Variants in CDYL observed in about 807,000 individuals in gnomAD.
The protein encoded by CDYL is chromodomain Y like.
In CDYL, 8 loss-of-function variants were observed where a neutral mutation model predicts 47.3. The ratio of observed to expected loss-of-function variants is 0.17; its 90% confidence interval spans 0.10 to 0.31. CDYL has a LOEUF of 0.31. CDYL is among the 10% of genes least tolerant of loss of function. The probability of loss-of-function intolerance (pLI) is 1.00; values close to 1 mark genes in which losing one functional copy is unlikely to be tolerated. For synonymous variants in CDYL, 266 were observed against 265.0 expected, an observed-to-expected ratio of 1.00 and a Z score of -0.04; for missense variants, 471 against 701.4, an observed-to-expected ratio of 0.67 and a Z score of 3.71.
chr6:4,877,317 A>G (rs1181997142), intron 1 of CDYL, among the ~76,000 whole-genome samples: 2 of 152,016 alleles, frequency 1.3e-5, no homozygotes, highest in African/African-American at 4.8e-5. Flanking sequence ...TTTTGATGAG[A>G]AGTTTAAAAT....
intron 2 of CDYL, among the ~76,000 whole-genome samples, chr6:4,896,031 C>CCCCT (rs1461060851): frequency 4.6e-5 from 7 of 152,326 alleles, no homozygotes; most frequent in African/African-American, 1.4e-4. Flanking sequence ...ATGATCTCTA[C>CCCCT]CCCTCTCTCA....
At chr6:4,890,930 C>A (rs1490469166) in intron 1 of CDYL, among the ~76,000 whole-genome samples, 3 of 152,180 alleles carry the variant, frequency 2.0e-5, no homozygotes. Flanking sequence ...ACATAACTCT[C>A]GTTCATGTGA....
chr6:4,844,420 A>G (rs1034213140), intron 1 of CDYL, among the ~76,000 whole-genome samples: 2 of 152,088 alleles, frequency 1.3e-5, no homozygotes, highest in African/African-American at 4.8e-5. Flanking sequence ...TGCAGCAGCA[A>G]TCTGCTTCCT....
Position 4,891,926 on chromosome 6 carries a change from A to G in CDYL, c.238A>G (p.Arg80Gly), listed in dbSNP as rs1762054102. The change falls in exon 2 of 7, where the codon AGG (arginine) becomes GGG (glycine). Residue 80 changes from arginine (R) to glycine (G), a missense_variant. Transcript: ENST00000397588. ...AAACAGGACCTCTCCCAACAATGCTAGGAAACAAATCTCCAGATCCACCAA... is the reference window on the plus strand; with the variant it reads ...AAACAGGACCTCTCCCAACAATGCTGGGAAACAAATCTCCAGATCCACCAA... Reference protein sequence around the residue: ...RTNRTSPNNARKQISRSTNSN... With the variant: ...RTNRTSPNNAGKQISRSTNSN... 6.2e-7 allele frequency: 1 copy of G among 1,614,188 alleles called. No homozygotes were observed. The highest frequency in any genetic ancestry group is 8.5e-7 in the Non-Finnish European group (1 of 1,180,030).
chr6:4,722,808 C>T (rs1757396287), intron 2 of CDYL, among the ~76,000 whole-genome samples: 1 of 152,134 alleles, frequency 6.6e-6, no homozygotes, highest in African/African-American at 2.4e-5. Context: ...ACCCAGGGGG[C>T]AGAGGTTGCA....
At chr6:4,941,230 G>A (rs1382750359) in intron 4 of CDYL, among the ~76,000 whole-genome samples, 5 of 152,176 alleles carry the variant, frequency 3.3e-5, no homozygotes, top group African/African-American at 4.8e-5. Context: ...AACACACTTG[G>A]CTGAAGCCCA....
intron 1 of CDYL, among the ~76,000 whole-genome samples, chr6:4,817,692 T>C (rs1013926233): frequency 2.6e-5 from 4 of 152,136 alleles, no homozygotes; most frequent in African/African-American, 4.8e-5. Context: ...TTAGCCACCG[T>C]TTTTGTATTA....
At chr6:4,941,348 A>C (rs1758355473) in intron 4 of CDYL, among the ~76,000 whole-genome samples, 1 of 152,172 alleles carries the variant, frequency 6.6e-6, no homozygotes, top group Non-Finnish European at 1.5e-5. Flanking sequence ...TTAAGCCTTT[A>C]TGGTCCTGGG....
intron 2 of CDYL, among the ~76,000 whole-genome samples, chr6:4,723,942 G>C (rs1757426622): frequency 6.6e-6 from 1 of 152,212 alleles, no homozygotes. Context: ...CGGTTAGAAT[G>C]AATGAGCCCT....
intron 2 of CDYL, among the ~76,000 whole-genome samples, chr6:4,920,763 G>A (rs564781839): frequency 7.4e-4 from 113 of 152,238 alleles, no homozygotes; most frequent in African/African-American, 2.6e-3. Flanking sequence ...TTACAGTCAC[G>A]CGCCACCACA....
intron 3 of CDYL, among the ~76,000 whole-genome samples, chr6:4,769,082 G>A (rs1581154158): frequency 2.0e-5 from 3 of 152,134 alleles, no homozygotes; most frequent in African/African-American, 7.2e-5. Context: ...TAAGGAGACA[G>A]GAGAACTATT....
At position 4,937,685 on chromosome 6, in the gene CDYL, C is replaced by T. The variant is rs140950492; in HGVS notation, c.1069C>T (p.Arg357Cys). The change falls in exon 4 of 7, where the codon CGT (arginine) becomes TGT (cysteine). Residue 357 changes from arginine (R) to cysteine (C), a missense_variant. Transcript: ENST00000397588. ...ACTTGACTTTATTTATTTTATACGA[C>T]GTCTGACAGATGACAGGAAAAGAGA... ...CGLDFIYFIR[R>C]LTDDRKREST... 5 of 1,613,554 alleles carry T rather than the reference C, an allele frequency of 3.1e-6. No individual in the cohort carries two copies. The South Asian group carries it at 4.4e-5, about 14-fold the overall frequency.
chr6:4,805,427 T>G (rs932975253), intron 1 of CDYL, among the ~76,000 whole-genome samples: 10 of 152,272 alleles, frequency 6.6e-5, no homozygotes, highest in African/African-American at 2.4e-4. Context: ...TTCATAGAAT[T>G]GTTGGAGAGG....
chr6:4,720,082 T>C (rs941289933), intron 2 of CDYL, among the ~76,000 whole-genome samples: 9 of 152,204 alleles, frequency 5.9e-5, no homozygotes, highest in African/African-American at 2.2e-4. Flanking sequence ...CCTTGCAAAG[T>C]GCATATGTGG....
At chr6:4,891,152 C>T (rs1007806807) in intron 1 of CDYL, among the ~76,000 whole-genome samples, 6 of 152,234 alleles carry the variant, frequency 3.9e-5, no homozygotes, top group African/African-American at 9.6e-5. Flanking sequence ...AACCTGATCG[C>T]TCTAGACTGT....
chr6:4,731,068 A>C (rs1477528541), intron 2 of CDYL, among the ~76,000 whole-genome samples: 1 of 152,234 alleles, frequency 6.6e-6, no homozygotes, highest in Non-Finnish European at 1.5e-5. Flanking sequence ...CTCATTCCGT[A>C]ACGATGCTCA....
intron 2 of CDYL, among the ~76,000 whole-genome samples, chr6:4,901,298 A>C (rs983957176): frequency 6.6e-6 from 1 of 152,134 alleles, no homozygotes; most frequent in Non-Finnish European, 1.5e-5. Flanking sequence ...TGCATGTGCT[A>C]CTAGGAATTA....
chr6:4,724,255 T>A (rs1267261360), intron 2 of CDYL, among the ~76,000 whole-genome samples: 2 of 152,122 alleles, frequency 1.3e-5, no homozygotes, highest in African/African-American at 4.8e-5. Flanking sequence ...CATTATATGT[T>A]GGCCCGGCTG....
chr6:4,943,177 C>T (rs1488945836), intron 4 of CDYL, among the ~76,000 whole-genome samples: 1 of 152,092 alleles, frequency 6.6e-6, no homozygotes, highest in East Asian at 1.9e-4. Flanking sequence ...CTTGTGAAGC[C>T]CAGAATATGT....
Sources: allele counts gnomAD v4.1 joint callset (sites outside exome capture counted in the v4.1 genomes callset), GRCh38; gene constraint gnomAD v4.1.1; transcripts MANE v1.5; gene names NCBI Gene and HGNC (gene_info 2026-07-23, HGNC 2026-07-21).